ZFYVE28: variants seen among roughly 807,000 people sequenced by gnomAD.
The protein encoded by ZFYVE28 is zinc finger FYVE-type containing 28.
In ZFYVE28, 40 loss-of-function variants were observed where a neutral mutation model predicts 82.1. The observed-to-expected ratio is 0.49, with a 90% CI of 0.38 to 0.63. The LOEUF is 0.63. Ranked by LOEUF, ZFYVE28 falls within the 30% of genes least tolerant of loss-of-function variation. The pLI is 0.00. For missense variants in ZFYVE28, 1,321 were observed against 1,242.1 expected, an observed-to-expected ratio of 1.06 and a Z score of -0.96; for synonymous variants, 612 against 546.1, an observed-to-expected ratio of 1.12 and a Z score of -1.68.
intron 8 of ZFYVE28, among the ~76,000 whole-genome samples, chr4:2,278,106 G>A (rs1024573583): frequency 9.9e-5 from 15 of 152,194 alleles, no homozygotes; most frequent in African/African-American, 3.4e-4. Flanking sequence ...CCGGAAAACC[G>A]GAGACACACA....
At chr4:2,384,528 C>G (rs141782371) in intron 1 of ZFYVE28, among the ~76,000 whole-genome samples, 1 of 151,872 alleles carries the variant, frequency 6.6e-6, no homozygotes, top group African/African-American at 2.4e-5. Flanking sequence ...TAAGCAAGAA[C>G]GAGAGGAGGG....
At chr4:2,385,667 A>T (rs1729184233) in intron 1 of ZFYVE28, among the ~76,000 whole-genome samples, 1 of 152,100 alleles carries the variant, frequency 6.6e-6, no homozygotes, top group Admixed American at 6.5e-5. Context: ...TCCTACATGG[A>T]TTCCCTCCAG....
rs758280356 is a variant in ZFYVE28, at chr4:2,305,427, C to A, written c.913G>T (p.Ala305Ser). The change falls in exon 8 of 13, where the codon GCC becomes TCC. Residue 305 changes from alanine (A) to serine (S), a missense_variant. Around this residue, in one of 2 missense-constraint regions of ZFYVE28, gnomAD observed 978 missense variants for 833.7 expected, o/e 1.17. Coordinates refer to ENST00000290974, the MANE Select transcript of ZFYVE28 (RefSeq NM_020972.3). ...PIRADVQGPA[A>S]LAPALSAPLP... Reference sequence around the variant, plus strand: ...GGGGCAGAGAGGGCAGGCGCCAGGGCAGCGGGTCCCTGCACGTCTGCGCGG... The same window carrying A: ...GGGGCAGAGAGGGCAGGCGCCAGGGAAGCGGGTCCCTGCACGTCTGCGCGG... 1.7e-5 allele frequency: 28 copies of A among 1,612,704 alleles called. No individual in the cohort carries two copies. The highest frequency in any genetic ancestry group is 2.0e-5 in the Non-Finnish European group (24 of 1,179,944).
chr4:2,290,718 G>A (rs896498652), intron 8 of ZFYVE28, among the ~76,000 whole-genome samples: 13 of 152,168 alleles, frequency 8.5e-5, no homozygotes, highest in Admixed American at 3.3e-4. Context: ...GGCCAGGGCT[G>A]GGCCAGGGGC....
At chr4:2,346,119 G>A (rs910091285) in intron 2 of ZFYVE28, among the ~76,000 whole-genome samples, 4 of 151,178 alleles carry the variant, frequency 2.6e-5, no homozygotes, top group African/African-American at 4.9e-5. Context: ...ACAAGGTCAG[G>A]AGATCGAGAC....
At chr4:2,337,638 T>A in intron 4 of ZFYVE28, 142 bp from the exon 5 acceptor site, 2 of 615,368 alleles carry the variant, frequency 3.3e-6, no homozygotes, top group East Asian at 6.0e-5. Flanking sequence ...TCCCAGCACG[T>A]TGGGAGTCTG....
intron 8 of ZFYVE28, among the ~76,000 whole-genome samples, chr4:2,297,014 G>T (rs550354634): frequency 1.3e-5 from 2 of 152,238 alleles, no homozygotes; most frequent in African/African-American, 4.8e-5. Context: ...CCACAGCACC[G>T]CATGGCCCTT....
chr4:2,339,571 G>A lies in ZFYVE28; in HGVS notation c.403C>T (p.Leu135=), dbSNP rs1381713887. The change falls in exon 4 of 13, where the codon CTG becomes TTG. Residue 135 remains leucine, a synonymous_variant. Transcript: ENST00000290974. This position sits in a 1 kb window ranked among gnomAD's most constrained non-coding sequence, Gnocchi z 5.0. ...RPLAKELTRS[L]EDVRGALRDQ... is the part of the protein sequence containing the mutation. The stretch of plus-strand genomic sequence containing the variant: ...CGGAGGGCGCCCCGCACGTCCTCCA[G>A]GCTGCGCGTCAGCTCCTTGGCCAGC... 4 of 1,612,976 alleles carry A rather than the reference G, an allele frequency of 2.5e-6. No individual in the cohort carries two copies. The highest frequency in any genetic ancestry group is 3.4e-6 in the Non-Finnish European group (4 of 1,179,762).
At chr4:2,345,373 G>A (rs554884488) in intron 2 of ZFYVE28, among the ~76,000 whole-genome samples, 14 of 152,038 alleles carry the variant, frequency 9.2e-5, no homozygotes, top group African/African-American at 2.9e-4. Flanking sequence ...TAGAGACAAC[G>A]AAGAAACTAA....
chr4:2,354,208 C>T (rs1724906544), intron 1 of ZFYVE28, 135 bp from the exon 2 acceptor site: 2 of 989,212 alleles, frequency 2.0e-6, no homozygotes, highest in Admixed American at 7.9e-5. Flanking sequence ...GCTCTTTTAT[C>T]AGCTTTCCAC....
At chr4:2,349,274 T>C (rs1034809055) in intron 2 of ZFYVE28, among the ~76,000 whole-genome samples, 1 of 148,990 alleles carries the variant, frequency 6.7e-6, no homozygotes, top group Non-Finnish European at 1.5e-5. Flanking sequence ...AAAGAAAATA[T>C]GCAAACACCG....
intron 1 of ZFYVE28, among the ~76,000 whole-genome samples, chr4:2,361,601 C>CG (rs1456868992): frequency 6.6e-6 from 1 of 152,132 alleles, no homozygotes; most frequent in East Asian, 1.9e-4. Flanking sequence ...GCACAGGGCA[C>CG]GGAAGCACAG....
chr4:2,306,886 G>A (rs1026099548), intron 7 of ZFYVE28: 3 of 152,170 alleles, frequency 2.0e-5, no homozygotes, highest in South Asian at 2.1e-4. Context: ...TGTTACACCC[G>A]ACAGGTTTTG....
At position 2,300,591 on chromosome 4, in the gene ZFYVE28, A is replaced by C. The variant is rs1251506003; in HGVS notation, c.2051+3698T>G. Among the ~76,000 whole-genome samples, 2 of 151,930 alleles carry C rather than the reference A, an allele frequency of 1.3e-5. No individual in the cohort carries two copies. The highest frequency in any genetic ancestry group is 2.9e-5 in the Non-Finnish European group (2 of 67,984). ...CAGGACTCCAGTGGGCCATGTGCCA[A>C]CCCACCTCCTGCGTGCATCCGTCCC... On this transcript the variant is annotated intron_variant, in intron 8 of 12. Coordinates refer to ENST00000290974, the MANE Select transcript of ZFYVE28 (RefSeq NM_020972.3). The surrounding 1 kb of genome is among the most constrained non-coding windows in gnomAD (Gnocchi z 4.6).
chr4:2,335,935 C>A lies in ZFYVE28; in HGVS notation c.612-141G>T, dbSNP rs1292650669. The A allele has an allele frequency of 7.4e-6, 5 of 672,162 alleles. No individual in the cohort carries two copies. Among genetic ancestry groups the A allele is most frequent in the African/African-American group, 3.5e-5 (2 of 56,868 alleles). The allele number at this position is 672,162 out of a possible 1,614,324, so 41.6% of individuals were successfully genotyped here. On this transcript the variant is annotated intron_variant, in intron 5 of 12. Transcript: ENST00000290974. This position sits in a 1 kb window ranked among gnomAD's most constrained non-coding sequence, Gnocchi z 5.8. ...CCACGTCAAGAGGTGACACATGCCA[C>A]CCCCAGTCCTCATATGTGCAAGGGG...
chr4:2,339,034 G>T lies in ZFYVE28; in HGVS notation c.521+419C>A, dbSNP rs998990343. Among the ~76,000 whole-genome samples, 17 of 152,080 alleles carry T rather than the reference G, an allele frequency of 1.1e-4. No individual in the cohort carries two copies. Among genetic ancestry groups the T allele is most frequent in the African/African-American group, 4.1e-4 (17 of 41,402 alleles). ...TCACCGTGTTAGCCAGGATGGTCTC[G>T]ATCTTCTGACCTCATGATCCGCCTG... On this transcript the variant is annotated intron_variant, in intron 4 of 12. Transcript: ENST00000290974. The surrounding 1 kb of genome is among the most constrained non-coding windows in gnomAD (Gnocchi z 5.0).
At chr4:2,401,155 A>G (rs529430958) in intron 1 of ZFYVE28, among the ~76,000 whole-genome samples, 2 of 152,284 alleles carry the variant, frequency 1.3e-5, no homozygotes, top group South Asian at 4.1e-4. Context: ...CCCAGGGGAA[A>G]CATTTGCTCC....
chr4:2,282,856 T>A (rs1712138210), intron 8 of ZFYVE28, among the ~76,000 whole-genome samples: 2 of 151,824 alleles, frequency 1.3e-5, no homozygotes, highest in African/African-American at 2.4e-5. Context: ...GGCAGGAGGA[T>A]CCCCTGAGCC....
intron 6 of ZFYVE28, chr4:2,329,005 C>T (rs1298887427): frequency 3.1e-6 from 2 of 652,622 alleles, no homozygotes; most frequent in African/African-American, 3.6e-5. Flanking sequence ...TATGCCAGTA[C>T]CATAAGGTTT....
Sources: allele counts gnomAD v4.1 joint callset (sites outside exome capture counted in the v4.1 genomes callset), GRCh38; gene constraint gnomAD v4.1.1; regional missense constraint gnomAD v4.1.1; non-coding constraint Gnocchi (gnomAD v3.1); transcripts MANE v1.5; gene names NCBI Gene and HGNC (gene_info 2026-07-23, HGNC 2026-07-21).